The following CLDND1 variants were observed in gnomAD, a reference collection of about 807,000 sequenced individuals.
The protein encoded by CLDND1 is claudin domain containing 1.
CLDND1 carries 13 observed loss-of-function variants against 26.3 expected under a neutral mutation model. The observed-to-expected ratio is 0.49, with a 90% CI of 0.32 to 0.78. The LOEUF is 0.78. Among genes scored for constraint, CLDND1 ranks in the 30% least tolerant of loss-of-function variants. The pLI is 0.03. For synonymous variants in CLDND1, 107 were observed against 107.0 expected (o/e 1.00, Z 0.00); for missense variants, 289 against 312.8 (o/e 0.92, Z 0.57).
rs1043481439 is a variant in CLDND1 at position 98,515,594 on chromosome 3, A to G, written c.*1065T>C. The G allele has an allele frequency of 5.7e-5, 60 of 1,055,050 alleles. 1 individual carries two copies. The highest frequency in any genetic ancestry group is 6.6e-5 in the Non-Finnish European group (56 of 845,692). The allele number at this position is 1,055,050 out of a possible 1,614,324, so 65.4% of individuals were successfully genotyped here. ...ATTGCTACAGTAGTGGAATAAATAA[A>G]TAAGTTTTTTAAAGTTCAATGTTTA... On this transcript the variant is annotated 3_prime_UTR_variant, in exon 5 of 5. Transcript: ENST00000341181.
In CLDND1 at chr3:98,521,153, T is replaced by C. The variant is rs1229831603; in HGVS notation, c.272A>G (p.Tyr91Cys). Residue 91 changes from tyrosine to cysteine, a missense_variant, in exon 2 of 5, where the codon TAT (tyrosine) becomes TGT (cysteine). Physicochemically the swap from Tyr to Cys is radical, Grantham distance 194 (BLOSUM62 -2). Transcript: ENST00000341181. ...AATACCTGTCCTTTCTGGTGGGCTA[T>C]ACCAATGCATGTTTTTGGGTATGGT... ...CITIPKNMHW[Y>C]SPPERTESFD... 4 of 1,613,650 alleles carry C rather than the reference T, an allele frequency of 2.5e-6. No homozygotes were observed. The highest frequency in any genetic ancestry group is 2.5e-6 in the Non-Finnish European group (3 of 1,179,612).
At chr3:98,522,710 G>A in intron 1 of CLDND1, 139 bp downstream of exon 1, 1 of 1,532,296 alleles carries the variant, frequency 6.5e-7, no homozygotes, top group Non-Finnish European at 8.8e-7. Flanking sequence ...CGCCCTAGAG[G>A]GCTCGGCCCT....
chr3:98,518,854 C>T (rs757892305), intron 3 of CLDND1, 31 bp downstream of exon 3: 15 of 1,238,108 alleles, frequency 1.2e-5, no homozygotes, highest in Middle Eastern at 1.9e-4. Flanking sequence ...CTTTGTTCCC[C>T]CAACTGTCCT....
chr3:98,516,954 G>A, intron 4 of CLDND1, 75 bp from the exon 5 acceptor site: 11 of 1,607,922 alleles, frequency 6.8e-6, no homozygotes, highest in Non-Finnish European at 9.3e-6. Context: ...CAGGCAATGT[G>A]ACAGGGCAGT....
rs1187093671 is a variant in CLDND1 at position 98,515,921 on chromosome 3, G to A, written c.*738C>T. ...AGCACACTTTTAATAACCCTGGTAT[G>A]TGAAGAGGAAAGAAAAAAAATCCAA... is the stretch of plus-strand genomic sequence containing the variant. On this transcript the variant is annotated 3_prime_UTR_variant, in exon 5 of 5. Transcript: ENST00000341181. The A allele has an allele frequency of 5.7e-6, 7 of 1,234,886 alleles. No individual in the cohort carries two copies. The highest frequency in any genetic ancestry group is 7.3e-6 in the Non-Finnish European group (7 of 960,824). The allele number at this position is 1,234,886 out of a possible 1,614,324, so 76.5% of individuals were successfully genotyped here. A position where few individuals can be genotyped will look rare whatever the true frequency, so the allele number is the denominator to read the frequency against.
intron 2 of CLDND1, among the ~76,000 whole-genome samples, chr3:98,520,002 T>C (rs566128749): frequency 4.7e-4 from 72 of 152,346 alleles, no homozygotes; most frequent in Non-Finnish European, 1.5e-4. Context: ...TTGTGTTCTA[T>C]TTTGCCATAG....
In CLDND1 at chr3:98,517,107, G is replaced by A; in HGVS notation, c.486C>T (p.Cys162=). 1.2e-6 allele frequency: 2 copies of A among 1,614,122 alleles called. No individual in the cohort carries two copies. Among genetic ancestry groups the A allele is most frequent in the Admixed American group, 1.7e-5 (1 of 60,012 alleles). Residue 162 remains cysteine (C), a synonymous_variant, in exon 4 of 5, where the codon TGC becomes TGT. Coordinates refer to ENST00000341181, the MANE Select transcript of CLDND1 (RefSeq NM_001040181.2). ...TGGTGGGATATAAGCTTCGGCAAAT[G>A]CAAGCACAAAGTCCGATCAAAGCCC... ...CFGALIGLCA[C]ICRSLYPTIA...
intron 2 of CLDND1, among the ~76,000 whole-genome samples, chr3:98,519,577 G>C (rs551900963): frequency 1.1e-4 from 16 of 152,298 alleles, no homozygotes; most frequent in East Asian, 9.7e-4. Context: ...TGCTGCCTCT[G>C]TTCTCACAAC....
chr3:98,518,705 G>T, intron 3 of CLDND1, 180 bp downstream of exon 3: 1 of 549,264 alleles, frequency 1.8e-6, no homozygotes, highest in Non-Finnish European at 3.2e-6. Flanking sequence ...TTGAAATTTG[G>T]TAAGCATGTA....
rs1706150899 is a variant in CLDND1, at chr3:98,516,662, T to G, written c.759A>C (p.Ala253=). 1.2e-6 allele frequency: 2 copies of G among 1,612,982 alleles called. No individual in the cohort carries two copies. Among genetic ancestry groups the G allele is most frequent in the Admixed American group, 3.3e-5 (2 of 59,856 alleles). ...EYTLMKAYRV[A] ...TGTAAAGCAGGCAGTTTCTTGCTCA[T>G]GCCACACGATATGCCTTCATTAAGG... Residue 253 remains alanine (A), a synonymous_variant, in exon 5 of 5, where the codon GCA becomes GCC. Transcript: ENST00000341181.
chr3:98,519,065 C>A, intron 2 of CLDND1, 70 bp from the exon 3 acceptor site: 1 of 906,990 alleles, frequency 1.1e-6, no homozygotes, highest in South Asian at 1.6e-5. Flanking sequence ...AGTAATTATT[C>A]TCTGAAGTAA....
In CLDND1 at chr3:98,521,363, A is replaced by G. The variant is rs1279172035; in HGVS notation, c.62T>C (p.Ile21Thr). ...TGTGCCAATGGAGGCTGCCATGTAG[A>G]TGGTGGAAATGAGGCTAAGCACACA... is the stretch of plus-strand genomic sequence containing the variant. ...IACVLSLIST[I>T]YMAASIGTDF... is the part of the protein sequence containing the mutation. The change falls in exon 2 of 5, where the codon ATC (isoleucine) becomes ACC (threonine). Residue 21 changes from isoleucine (I) to threonine (T), a missense_variant. Transcript: ENST00000341181. 3.1e-6 allele frequency: 5 copies of G among 1,614,106 alleles called. No individual in the cohort carries two copies. The highest frequency in any genetic ancestry group is 3.4e-6 in the Non-Finnish European group (4 of 1,180,044).
chr3:98,521,644 C>A (rs1169615734), intron 1 of CLDND1: 1 of 1,607,144 alleles, frequency 6.2e-7, no homozygotes, highest in East Asian at 2.2e-5. Context: ...TTATTGAATG[C>A]TCACATACCC....
At chr3:98,522,557 C>T (rs1706470086) in intron 1 of CLDND1, 2 of 1,358,874 alleles carry the variant, frequency 1.5e-6, no homozygotes, top group East Asian at 3.1e-5. Context: ...AGGGTCCCAG[C>T]ACTGGGAACG....
In CLDND1 at chr3:98,516,504, G is replaced by A; in HGVS notation, c.*155C>T. 1.4e-6 allele frequency: 2 copies of A among 1,412,400 alleles called. No individual in the cohort carries two copies. The highest frequency in any genetic ancestry group is 1.8e-6 in the Non-Finnish European group (2 of 1,083,654). 87.5% of individuals were successfully genotyped at this position (1,412,400 alleles called of 1,614,324 possible). On this transcript the variant is annotated 3_prime_UTR_variant, in exon 5 of 5. Transcript: ENST00000341181. ...CACATAAATTTTAGTGGTATTAAGT[G>A]TGTATTTAGTGGTGAATGTGTATAA...
chr3:98,521,555 A>G (rs1576273956), intron 1 of CLDND1, 113 bp from the exon 2 acceptor site: 2 of 1,465,908 alleles, frequency 1.4e-6, no homozygotes, highest in East Asian at 2.3e-5. Flanking sequence ...CTTCGTACAT[A>G]TAACCATTAA....
At chr3:98,518,723 T>G in intron 3 of CLDND1, 162 bp downstream of exon 3, 3 of 578,466 alleles carry the variant, frequency 5.2e-6, no homozygotes, top group Non-Finnish European at 6.2e-6. Context: ...GTATCTACCT[T>G]CTAAAATATC....
chr3:98,522,743 C>A (rs1365873764), intron 1 of CLDND1, 106 bp downstream of exon 1: 2 of 1,597,654 alleles, frequency 1.3e-6, no homozygotes, highest in Non-Finnish European at 1.7e-6. Flanking sequence ...CCGCTCGGAA[C>A]CCGCCCAGCC....
rs1706139634 is a variant in CLDND1, at chr3:98,516,419, ATTTC to A, written c.*236_*239del. 1 of 1,267,988 alleles carries A rather than the reference ATTTC, an allele frequency of 7.9e-7. No individual in the cohort carries two copies. Among genetic ancestry groups the A allele is most frequent in the Admixed American group, 3.8e-5 (1 of 26,132 alleles). 78.5% of individuals were successfully genotyped at this position (1,267,988 alleles called of 1,614,324 possible). A position where few individuals can be genotyped will look rare whatever the true frequency, so the allele number is the denominator to read the frequency against. On this transcript the variant is annotated 3_prime_UTR_variant, in exon 5 of 5. Coordinates refer to ENST00000341181, the MANE Select transcript of CLDND1 (RefSeq NM_001040181.2). ...ATAAATTTGTGTCAAGTCTCTATCC[ATTTC>A]TTTCTGTCTAGACCTAGATTAGTTT...
Sources: gnomAD v4.1 joint callset for allele counts (sites outside exome capture counted in the v4.1 genomes callset) on GRCh38, gnomAD v4.1.1 for gene constraint, MANE v1.5 for transcripts, NCBI Gene and HGNC (gene_info 2026-07-23, HGNC 2026-07-21) for gene names.